Variants in SCAF11 observed in about 807,000 individuals in gnomAD.
The protein encoded by SCAF11 is protein SCAF11.
In SCAF11, 47 loss-of-function variants were observed where a neutral mutation model predicts 140.5. The ratio of observed to expected loss-of-function variants is 0.33; its 90% CI spans 0.26 to 0.43. The LOEUF (loss-of-function observed/expected upper bound fraction) is 0.43, where lower values mean the gene tolerates loss of function less well. Ranked by LOEUF, SCAF11 falls within the 20% of genes least tolerant of loss-of-function variation. SCAF11 has a pLI of 1.00. For synonymous variants in SCAF11, 557 were observed against 579.4 expected (o/e 0.96, Z 0.55); for missense variants, 1,645 against 1,705.1 (o/e 0.96, Z 0.62).
At chr12:45,970,940 C>T (rs1174707807) in intron 1 of SCAF11, among the ~76,000 whole-genome samples, 2 of 152,168 alleles carry the variant, frequency 1.3e-5, no homozygotes, top group Non-Finnish European at 2.9e-5. Flanking sequence ...TCACACTATG[C>T]TCTACAATGA....
At chr12:45,979,269 G>T (rs1359701737) in intron 1 of SCAF11, among the ~76,000 whole-genome samples, 4 of 151,682 alleles carry the variant, frequency 2.6e-5, no homozygotes, top group Non-Finnish European at 5.9e-5. Context: ...TCAGGATTAA[G>T]TTTCAACATG....
chr12:45,976,337 G>A (rs993180512), intron 1 of SCAF11, among the ~76,000 whole-genome samples: 3 of 152,082 alleles, frequency 2.0e-5, no homozygotes, highest in African/African-American at 7.2e-5. Flanking sequence ...TATTTTCAGA[G>A]AGCCCACATT....
In SCAF11 at chr12:45,928,758, C is replaced by T. The variant is rs919856916; in HGVS notation, c.943G>A (p.Ala315Thr). ...GACCTCCTTGTAGGAGTTGTCATTGCAGGTTTTCGTCTTGATCCTCTGGTA... is the reference window on the plus strand; with the variant it reads ...GACCTCCTTGTAGGAGTTGTCATTGTAGGTTTTCGTCTTGATCCTCTGGTA... Reference protein sequence around the residue: ...SNTRGSRRKPAMTTPTRRSTR... With the variant: ...SNTRGSRRKPTMTTPTRRSTR... Residue 315 changes from alanine (A) to threonine (T), a missense_variant, in exon 11 of 15, where the codon GCA (alanine) becomes ACA (threonine). Around this residue, in one of 2 missense-constraint regions of SCAF11, gnomAD observed 1,582 missense variants for 1,609.2 expected, o/e 0.98. Transcript: ENST00000369367. 1.2e-6 allele frequency: 2 copies of T among 1,613,548 alleles called. No homozygotes were observed. The highest frequency in any genetic ancestry group is 1.7e-6 in the Non-Finnish European group (2 of 1,179,864).
chr12:45,989,721 G>A (rs948903642), intron 1 of SCAF11, among the ~76,000 whole-genome samples: 1 of 152,188 alleles, frequency 6.6e-6, no homozygotes, highest in Non-Finnish European at 1.5e-5. Context: ...AAAACACTGG[G>A]GGTGGATGAG....
In SCAF11 at chr12:45,935,506, T is replaced by A. The variant is rs143979547; in HGVS notation, c.464-1001A>T. 1.3e-3 allele frequency among the ~76,000 whole-genome samples: 192 copies of A among 152,304 alleles called. 1 individual carries two copies. In the East Asian group the frequency reaches 0.015, roughly 12 times the overall value. On this transcript the variant is annotated intron_variant, in intron 6 of 14. Coordinates refer to ENST00000369367, the MANE Select transcript of SCAF11 (RefSeq NM_004719.3). ...GCAAGAAGTAAAAATGTGTGGTAGG[T>A]ACACAGATAACACTCTTAGAAATAA...
At chr12:45,934,896 A>T (rs1260936499) in intron 6 of SCAF11, 1 of 112,422 alleles carries the variant, frequency 8.9e-6, no homozygotes, top group Non-Finnish European at 2.3e-5. Flanking sequence ...TCCAGCTATC[A>T]TCTAGAAAAC....
intron 7 of SCAF11, 55 bp downstream of exon 7, chr12:45,934,392 A>G: frequency 6.9e-7 from 1 of 1,440,862 alleles, no homozygotes; most frequent in Non-Finnish European, 9.6e-7. Context: ...TTATGGACTA[A>G]ATAACCCTAA....
chr12:45,953,909 C>A, intron 3 of SCAF11: 1 of 967,718 alleles, frequency 1.0e-6, no homozygotes, highest in Non-Finnish European at 1.4e-6. Context: ...TTGTAATCAA[C>A]TAGTTTTAGT....
intron 3 of SCAF11, among the ~76,000 whole-genome samples, chr12:45,953,569 A>T (rs1945602866): frequency 6.6e-6 from 1 of 152,196 alleles, no homozygotes; most frequent in South Asian, 2.1e-4. Context: ...TAAAATTAAA[A>T]GTGTAATATT....
intron 1 of SCAF11, chr12:45,974,577 C>T (rs1946188776): frequency 5.5e-6 from 1 of 181,152 alleles, no homozygotes; most frequent in Non-Finnish European, 1.2e-5. Context: ...TTTGTTCATC[C>T]CTAAGAAACA....
At chr12:45,965,552 G>A (rs1275722194) in intron 1 of SCAF11, among the ~76,000 whole-genome samples, 2 of 152,080 alleles carry the variant, frequency 1.3e-5, no homozygotes, top group African/African-American at 2.4e-5. Context: ...GGGCTCAAGC[G>A]ATCCTCCTGC....
rs201675236 is a variant in SCAF11 at position 45,931,530 on chromosome 12, T to G, written c.817A>C (p.Ser273Arg). Reference protein sequence around the residue: ...SVLPRTIFPTSTISFEHFGTS... With the variant: ...SVLPRTIFPTRTISFEHFGTS... The stretch of plus-strand genomic sequence containing the variant: ...CCAAAATGTTCGAAAGATATGGTAC[T>G]TGTTGGAAAAATAGTTCTTGGCAAC... Residue 273 changes from serine (S) to arginine (R), a missense_variant, in exon 10 of 15, where the codon AGT (serine) becomes CGT (arginine). Physicochemically the swap from Ser to Arg is moderately radical, Grantham distance 110. Transcript: ENST00000369367. 9.0e-5 allele frequency: 134 copies of G among 1,489,522 alleles called. No individual in the cohort carries two copies. The East Asian group carries it at 2.3e-3, about 26-fold the overall frequency. The allele number at this position is 1,489,522 out of a possible 1,614,324, so 92.3% of individuals were successfully genotyped here.
rs376865144 is a variant in SCAF11, at chr12:45,922,997, A to C, written c.4064T>G (p.Leu1355Trp). 1 of 1,614,204 alleles carries C rather than the reference A, an allele frequency of 6.2e-7. No homozygotes were observed. Among genetic ancestry groups the C allele is most frequent in the African/African-American group, 1.3e-5 (1 of 75,054 alleles). The change falls in exon 13 of 15, where the codon TTG (leucine) becomes TGG (tryptophan). Residue 1355 changes from leucine to tryptophan, a missense_variant. Leu to Trp is a moderately conservative substitution (Grantham distance 61, BLOSUM62 -2). This residue lies in a region of SCAF11 where 1,582 missense variants were observed against 1,609.2 expected (regional missense o/e 0.98). Transcript: ENST00000369367. ...TGCAACACTTACTTTGCTTTCTGCC[A>C]ATTTTACAGCAGCATTAGAGGCTTT... Reference protein sequence around the residue: ...HSKASNAAVKLAESKVSVAVE... With the variant: ...HSKASNAAVKWAESKVSVAVE...
upstream of SCAF11, chr12:45,991,974 C>T (rs1275998842): frequency 2.3e-6 from 3 of 1,289,186 alleles, no homozygotes; most frequent in East Asian, 1.7e-4. Flanking sequence ...CTCCAGCCAC[C>T]CTGACGCCTG....
At position 45,956,140 on chromosome 12, in the gene SCAF11, C is replaced by T. The variant is rs1336339064; in HGVS notation, c.220-4413G>A. Reference sequence around the variant, plus strand: ...AGGATCCTCGATTTCTAATTTCTCGCTTCCTCCTGCTGCTCTATCCTCAAT... The same window carrying T: ...AGGATCCTCGATTTCTAATTTCTCGTTTCCTCCTGCTGCTCTATCCTCAAT... On this transcript the variant is annotated intron_variant, in intron 3 of 14. Coordinates refer to ENST00000369367, the MANE Select transcript of SCAF11 (RefSeq NM_004719.3). 2.1e-5 allele frequency: 15 copies of T among 716,656 alleles called. No homozygotes were observed. In the South Asian group the frequency reaches 2.2e-4, roughly 11 times the overall value. 44.4% of individuals were successfully genotyped at this position (716,656 alleles called of 1,614,324 possible).
chr12:45,978,292 T>A (rs1288806335), intron 1 of SCAF11, among the ~76,000 whole-genome samples: 1 of 152,174 alleles, frequency 6.6e-6, no homozygotes, highest in Non-Finnish European at 1.5e-5. Flanking sequence ...ACAATCTTCA[T>A]TTATCCTCAA....
At chr12:45,976,284 G>A (rs4144983) in intron 1 of SCAF11, among the ~76,000 whole-genome samples, 42,399 of 151,972 alleles carry the variant, frequency 0.28, 6,294 homozygotes, top group East Asian at 0.34. Flanking sequence ...GTCTTGTGTC[G>A]TTCCACCTTC....
At chr12:45,945,175 A>G (rs1156683604) in intron 6 of SCAF11, 74 bp downstream of exon 6, 10 of 856,014 alleles carry the variant, frequency 1.2e-5, no homozygotes, top group Non-Finnish European at 1.9e-5. Flanking sequence ...GTTACTGATG[A>G]GAACTCTGAC....
chr12:45,977,441 A>G lies in SCAF11; in HGVS notation c.-22+12912T>C, dbSNP rs150885060. Among the ~76,000 whole-genome samples the G allele has an allele frequency of 5.2e-4, 79 of 152,190 alleles. 2 individuals are homozygous for G. The East Asian group carries it at 0.011, about 21-fold the overall frequency. ...ACCTGGGTTAGGGGAATGTATGACA[A>G]CACAGTTTTTGGCGGGGGTGGGATG... On this transcript the variant is annotated intron_variant, in intron 1 of 14. Transcript: ENST00000369367.
Sources: gnomAD v4.1 joint callset for allele counts (sites outside exome capture counted in the v4.1 genomes callset) on GRCh38, gnomAD v4.1.1 for gene constraint, gnomAD v4.1.1 regional missense constraint, MANE v1.5 for transcripts, NCBI Gene and HGNC (gene_info 2026-07-23, HGNC 2026-07-21) for gene names.